Variants in ACOT11 observed in about 807,000 individuals in gnomAD.
ACOT11 encodes the protein acyl-CoA thioesterase 11.
ACOT11 carries 69 observed loss-of-function variants against 77.5 expected under a neutral mutation model. The ratio of observed to expected loss-of-function variants is 0.89; its 90% confidence interval spans 0.73 to 1.09. The LOEUF is 1.09. Ranked by LOEUF, ACOT11 falls within the 50% of genes least tolerant of loss-of-function variation. The probability of loss-of-function intolerance (pLI) is 0.00; values close to 1 mark genes in which losing one functional copy is unlikely to be tolerated. For synonymous variants in ACOT11, 279 were observed against 313.0 expected (o/e 0.89, Z 1.15); for missense variants, 766 against 813.7 (o/e 0.94, Z 0.71).
At position 54,585,906 on chromosome 1, in the gene ACOT11, T is replaced by C. The variant is rs1476250319; in HGVS notation, c.311+2T>C. 1.2e-6 allele frequency: 2 copies of C among 1,613,822 alleles called. No homozygotes were observed. Among genetic ancestry groups the C allele is most frequent in the African/African-American group, 2.7e-5 (2 of 74,872 alleles). On this transcript the variant is annotated splice_donor_variant, in intron 3 of 15. Transcript: ENST00000343744. LOFTEE classifies it high-confidence loss of function. ...CATCTATTTTGAGCACACCATTAGG[T>C]AAGTGGCCCCTCCTGCCTCAAGGTC...
chr1:54,598,613 G>A (rs58079553), intron 7 of ACOT11: 7,214 of 152,292 alleles, frequency 0.047, 365 homozygotes, highest in South Asian at 0.23. Context: ...CGCTTTGGGA[G>A]GCTGAGGCCA....
At position 54,580,662 on chromosome 1, in the gene ACOT11, CATTT is replaced by C. The variant is rs150518761; in HGVS notation, c.34-3987_34-3984del. On this transcript the variant is annotated intron_variant, in intron 1 of 15. Coordinates refer to ENST00000343744, the MANE Select transcript of ACOT11 (RefSeq NM_147161.4). ...TCTTTTCCTTTCTCTCTTCCATGGG[CATTT>C]ATTTAGCCCCAAATCTGTGCCAGGC... Among the ~76,000 whole-genome samples, 484 of 152,330 alleles carry C rather than the reference CATTT, an allele frequency of 3.2e-3. 4 individuals carry two copies. The highest frequency in any genetic ancestry group is 0.01 in the African/African-American group (436 of 41,578).
intron 3 of ACOT11, among the ~76,000 whole-genome samples, chr1:54,588,595 T>A (rs1654588982): frequency 6.6e-6 from 1 of 152,078 alleles, no homozygotes; most frequent in African/African-American, 2.4e-5. Flanking sequence ...CTGAGGGTAG[T>A]CAAGGGGGGA....
Position 54,601,364 on chromosome 1 carries a change from A to C in ACOT11, c.980A>C (p.Asp327Ala). 1.2e-6 allele frequency: 2 copies of C among 1,613,674 alleles called. No individual in the cohort carries two copies. Residue 327 changes from aspartate to alanine, a missense_variant, in exon 9 of 16, where the codon GAC becomes GCC. Asp to Ala is a moderately radical substitution (Grantham distance 126). Transcript: ENST00000343744. ...GCCTTTATGACCTTTGTGGTCCTGGACGCAGATGACCAGCCCCAGTTGCTG... is the reference window on the plus strand; with the variant it reads ...GCCTTTATGACCTTTGTGGTCCTGGCCGCAGATGACCAGCCCCAGTTGCTG... ...NSAFMTFVVLDADDQPQLLPW... is the reference protein window; with the variant it reads ...NSAFMTFVVLAADDQPQLLPW...
At chr1:54,611,606 A>G, downstream of ACOT11, 1 of 1,613,656 alleles carries the variant, frequency 6.2e-7, no homozygotes, top group South Asian at 1.1e-5. Context: ...CTCTCCTTAC[A>G]GGCCAGCTGC....
rs1215969558 is a variant in ACOT11 at position 54,607,072 on chromosome 1, AC to A, written c.1371-59del. The A allele has an allele frequency of 1.9e-6, 3 of 1,606,090 alleles. No individual in the cohort carries two copies. The highest frequency in any genetic ancestry group is 2.6e-6 in the Non-Finnish European group (3 of 1,176,192). ...CTGCAGTGTGGCAGGGCCCGGGCAG[AC>A]CCGCTGCTTGCATGGGAGCTGGAAG... On this transcript the variant is annotated intron_variant, in intron 13 of 15. Coordinates refer to ENST00000343744, the MANE Select transcript of ACOT11 (RefSeq NM_147161.4). The surrounding 1 kb of genome is among the most constrained non-coding windows in gnomAD (Gnocchi z 4.5).
chr1:54,609,328 G>A lies in ACOT11; in HGVS notation c.*216G>A. ...GGTAGCCCTGGGGTAGCCTGTAGTA[G>A]ACTCGGGTCCTGTCCACAGCCCTAG... On this transcript the variant is annotated 3_prime_UTR_variant, in exon 16 of 16. Transcript: ENST00000343744. 6.2e-7 allele frequency: 1 copy of A among 1,613,636 alleles called. No individual in the cohort carries two copies. The highest frequency in any genetic ancestry group is 2.2e-5 in the East Asian group (1 of 44,872).
chr1:54,602,229 C>A (rs1308113671), intron 9 of ACOT11, among the ~76,000 whole-genome samples: 1 of 152,200 alleles, frequency 6.6e-6, no homozygotes, highest in Non-Finnish European at 1.5e-5. Context: ...CTTGGCAAGC[C>A]CTCACCCTTC....
chr1:54,626,251 CAG>C (rs912174284), intron 15 of ACOT11, among the ~76,000 whole-genome samples: 1 of 151,636 alleles, frequency 6.6e-6, no homozygotes, highest in Non-Finnish European at 1.5e-5. Context: ...GCCTGAGCGA[CAG>C]AGTGAGACCC....
chr1:54,602,555 G>A lies in ACOT11; in HGVS notation c.1030-114G>A, dbSNP rs1359689038. The A allele has an allele frequency of 3.9e-6, 4 of 1,026,464 alleles. No individual in the cohort carries two copies. The African/African-American group carries it at 5.0e-5, about 13-fold the overall frequency. The allele number at this position is 1,026,464 out of a possible 1,614,324, so 63.6% of individuals were successfully genotyped here. Reference sequence around the variant, plus strand: ...GGATGTTTTGATTCCAGCTGCCCCAGCGACACCTGAACTCCACGTTAGGGC... The same window carrying A: ...GGATGTTTTGATTCCAGCTGCCCCAACGACACCTGAACTCCACGTTAGGGC... On this transcript the variant is annotated intron_variant, in intron 9 of 15. Transcript: ENST00000343744.
At chr1:54,575,285 A>G (rs1384896588) in intron 1 of ACOT11, among the ~76,000 whole-genome samples, 1 of 152,210 alleles carries the variant, frequency 6.6e-6, no homozygotes, top group Non-Finnish European at 1.5e-5. Context: ...TGAATGGGAA[A>G]GCATTCAGGA....
At chr1:54,603,209 C>T (rs533779571) in intron 10 of ACOT11, among the ~76,000 whole-genome samples, 15 of 152,262 alleles carry the variant, frequency 9.9e-5, no homozygotes, top group Non-Finnish European at 4.4e-5. Flanking sequence ...TGGTGGCTCT[C>T]GCCTGTAGTC....
intron 16 of ACOT11, among the ~76,000 whole-genome samples, chr1:54,632,009 T>C (rs995420640): frequency 1.3e-5 from 2 of 152,116 alleles, no homozygotes; most frequent in South Asian, 4.1e-4. Flanking sequence ...AATACTCCAT[T>C]TCCTGGAGCT....
At chr1:54,610,864 T>G, downstream of ACOT11, 2 of 985,338 alleles carry the variant, frequency 2.0e-6, no homozygotes, top group Non-Finnish European at 2.4e-6. Flanking sequence ...TGGGGCCTCT[T>G]TGAGATGGCT....
chr1:54,549,892 C>A (rs1016183419), intron 1 of ACOT11, among the ~76,000 whole-genome samples: 1 of 152,196 alleles, frequency 6.6e-6, no homozygotes, highest in African/African-American at 2.4e-5. Context: ...TTGTATTTAA[C>A]CCTTTATGAC....
intron 6 of ACOT11, among the ~76,000 whole-genome samples, chr1:54,595,347 AAAAT>A (rs1386729880): frequency 2.0e-5 from 3 of 152,206 alleles, no homozygotes; most frequent in Non-Finnish European, 2.9e-5. Flanking sequence ...ACTCCATTTC[AAAAT>A]AAATAAATAA....
intron 1 of ACOT11, among the ~76,000 whole-genome samples, chr1:54,567,994 A>G (rs1333994200): frequency 6.6e-6 from 1 of 152,120 alleles, no homozygotes; most frequent in Non-Finnish European, 1.5e-5. Flanking sequence ...TGGGACATAC[A>G]AGACCTTAGG....
At chr1:54,551,294 T>C (rs960881887) in intron 1 of ACOT11, among the ~76,000 whole-genome samples, 3 of 152,168 alleles carry the variant, frequency 2.0e-5, no homozygotes, top group African/African-American at 7.2e-5. Context: ...CCTGTGGCAC[T>C]GTAGACAGAG....
chr1:54,597,889 C>T (rs1229848860), intron 7 of ACOT11: 1 of 162,470 alleles, frequency 6.2e-6, no homozygotes. Flanking sequence ...TTCCCTTCTT[C>T]TAAGGGGTGA....
Sources: allele counts gnomAD v4.1 joint callset (sites outside exome capture counted in the v4.1 genomes callset), GRCh38; gene constraint gnomAD v4.1.1; non-coding constraint Gnocchi (gnomAD v3.1); transcripts MANE v1.5; gene names NCBI Gene and HGNC (gene_info 2026-07-23, HGNC 2026-07-21).